The following RNF220 variants were observed in gnomAD, a reference collection of about 807,000 sequenced individuals.
The protein encoded by RNF220 is ring finger protein 220.
In RNF220, 7 loss-of-function variants were observed where a neutral mutation model predicts 67.1. That is an observed-to-expected ratio of 0.10 (90% CI 0.06 to 0.20). RNF220 has a LOEUF of 0.20. Ranked by LOEUF, RNF220 falls within the 10% of genes least tolerant of loss-of-function variation. RNF220 has a pLI of 1.00. For missense variants in RNF220, 565 were observed against 740.3 expected (o/e 0.76, Z 2.75); for synonymous variants, 270 against 283.2 (o/e 0.95, Z 0.47).
At chr1:44,475,565 T>G (rs1297757176) in intron 2 of RNF220, among the ~76,000 whole-genome samples, 1 of 113,756 alleles carries the variant, frequency 8.8e-6, no homozygotes, top group African/African-American at 4.1e-5. Flanking sequence ...TGAGACTCGG[T>G]CTCAAAAAAA....
intron 1 of RNF220, among the ~76,000 whole-genome samples, chr1:44,406,783 A>G (rs1647380180): frequency 6.6e-6 from 1 of 152,188 alleles, no homozygotes; most frequent in Admixed American, 6.5e-5. Context: ...GGGCACAACA[A>G]ACTTGGGCGG....
intron 6 of RNF220, among the ~76,000 whole-genome samples, chr1:44,633,346 T>C (rs573961037): frequency 6.6e-6 from 1 of 152,340 alleles, no homozygotes; most frequent in Admixed American, 6.5e-5. Flanking sequence ...CATGATTCAA[T>C]TGAAGTTTGT....
rs1644631348 is a variant in RNF220 at position 44,645,901 on chromosome 1, T to C, written c.1445+413T>C. On this transcript the variant is annotated intron_variant, in intron 12 of 14. Coordinates refer to ENST00000361799, the MANE Select transcript of RNF220 (RefSeq NM_018150.4). This position sits in a 1 kb window ranked among gnomAD's most constrained non-coding sequence, Gnocchi z 5.0. ...TCGCAGTGGATTTTAGGCAGGAACA[T>C]TGGGTATCATCACTTCTGGTAGGAA... Among the ~76,000 whole-genome samples the C allele has an allele frequency of 1.3e-5, 2 of 152,228 alleles. No homozygotes were observed. Among genetic ancestry groups the C allele is most frequent in the South Asian group, 4.1e-4 (2 of 4,838 alleles).
At chr1:44,634,575 A>T (rs1273601334) in intron 6 of RNF220, among the ~76,000 whole-genome samples, 1 of 151,248 alleles carries the variant, frequency 6.6e-6, no homozygotes, top group African/African-American at 2.4e-5. Context: ...GGCTCTCCCC[A>T]CTCCCCATCA....
chr1:44,528,578 G>A (rs1265159443), intron 2 of RNF220, among the ~76,000 whole-genome samples: 1 of 150,834 alleles, frequency 6.6e-6, no homozygotes. Flanking sequence ...GGGATTACAG[G>A]CGTAAGCCAC....
At chr1:44,584,794 G>A (rs1366891516) in intron 2 of RNF220, among the ~76,000 whole-genome samples, 1 of 152,188 alleles carries the variant, frequency 6.6e-6, no homozygotes, top group Non-Finnish European at 1.5e-5. Context: ...TGCCTCCCAG[G>A]TTCAAGTGAT....
chr1:44,452,434 A>G (rs1001685016), intron 2 of RNF220, among the ~76,000 whole-genome samples: 5 of 152,028 alleles, frequency 3.3e-5, no homozygotes, highest in Non-Finnish European at 7.4e-5. Context: ...GGCGCCTGTA[A>G]TCTCAGCTAC....
At chr1:44,611,240 C>T (rs969221871) in intron 2 of RNF220, among the ~76,000 whole-genome samples, 2 of 152,222 alleles carry the variant, frequency 1.3e-5, no homozygotes, top group African/African-American at 4.8e-5. Context: ...ATTCCTGAAG[C>T]TTGGAGGCAG....
intron 2 of RNF220, among the ~76,000 whole-genome samples, chr1:44,496,171 A>G (rs12085000): frequency 0.011 from 1,606 of 152,324 alleles, 28 homozygotes; most frequent in African/African-American, 0.036. Flanking sequence ...CAGGGGGACC[A>G]TCCTCCAAGG....
chr1:44,601,183 A>G (rs1358764483), intron 2 of RNF220, among the ~76,000 whole-genome samples: 1 of 152,206 alleles, frequency 6.6e-6, no homozygotes, highest in African/African-American at 2.4e-5. Context: ...TGGAGTATCT[A>G]TTGTGGATGA....
chr1:44,552,457 C>G lies in RNF220; in HGVS notation c.626-61708C>G, dbSNP rs578148229. Among the ~76,000 whole-genome samples the G allele has an allele frequency of 1.1e-4, 16 of 151,826 alleles. No individual in the cohort carries two copies. The East Asian group carries it at 3.1e-3, about 30-fold the overall frequency. ...TCTGCAGTGAGCCATGATTGTGCCACTGCGCTCCAGCCTGGGCAACAGAGC... is the reference window on the plus strand; with the variant it reads ...TCTGCAGTGAGCCATGATTGTGCCAGTGCGCTCCAGCCTGGGCAACAGAGC... On this transcript the variant is annotated intron_variant, in intron 2 of 14. Coordinates refer to ENST00000361799, the MANE Select transcript of RNF220 (RefSeq NM_018150.4).
chr1:44,650,337 G>A lies in RNF220; in HGVS notation c.1630-367G>A, dbSNP rs1047989668. ...CCTTCTGCTCCTGCCCCTGTTCTTC[G>A]CTCAGGAGCAGCCATTAAAATGTCG... On this transcript the variant is annotated intron_variant, in intron 14 of 14. Coordinates refer to ENST00000361799, the MANE Select transcript of RNF220 (RefSeq NM_018150.4). This position sits in a 1 kb window ranked among gnomAD's most constrained non-coding sequence, Gnocchi z 4.3. 9.7e-5 allele frequency: 46 copies of A among 471,918 alleles called. No homozygotes were observed. The highest frequency in any genetic ancestry group is 1.3e-4 in the Non-Finnish European group (34 of 258,930). The allele number at this position is 471,918 out of a possible 1,614,324, so 29.2% of individuals were successfully genotyped here.
chr1:44,638,878 A>G (rs1469840158), intron 8 of RNF220, among the ~76,000 whole-genome samples: 1 of 152,246 alleles, frequency 6.6e-6, no homozygotes, highest in East Asian at 1.9e-4. Flanking sequence ...TATTACTTCA[A>G]GAAAGTAAGT....
chr1:44,552,779 C>T (rs1662764109), intron 2 of RNF220, among the ~76,000 whole-genome samples: 1 of 151,888 alleles, frequency 6.6e-6, no homozygotes, highest in Admixed American at 6.6e-5. Flanking sequence ...CCTTGTTAGC[C>T]AGGATGGCCT....
At chr1:44,581,883 T>G (rs1417709363) in intron 2 of RNF220, among the ~76,000 whole-genome samples, 4 of 152,232 alleles carry the variant, frequency 2.6e-5, no homozygotes, top group Non-Finnish European at 5.9e-5. Context: ...GTGAAGCAGC[T>G]GTGCCCACTA....
At chr1:44,585,347 CA>C (rs1323047691) in intron 2 of RNF220, among the ~76,000 whole-genome samples, 2 of 152,146 alleles carry the variant, frequency 1.3e-5, no homozygotes, top group Non-Finnish European at 1.5e-5. Context: ...TTTCATACAC[CA>C]AAAAGAAAAT....
intron 2 of RNF220, among the ~76,000 whole-genome samples, chr1:44,599,104 A>T (rs1202713978): frequency 2.6e-5 from 4 of 152,112 alleles, no homozygotes; most frequent in Admixed American, 2.6e-4. Context: ...TGAATCAGAG[A>T]ATCTCTCTGC....
chr1:44,625,428 T>G lies in RNF220; in HGVS notation c.805-869T>G, dbSNP rs538781824. 2.0e-5 allele frequency among the ~76,000 whole-genome samples: 3 copies of G among 152,266 alleles called. No individual in the cohort carries two copies. In the South Asian group the frequency reaches 6.2e-4, roughly 32 times the overall value. On this transcript the variant is annotated intron_variant, in intron 4 of 14. Transcript: ENST00000361799. ...TCACATCCTAAGGCTCAGCCGGAGATGAAGGATAAATGGCTGCTCCATCTT... is the reference window on the plus strand; with the variant it reads ...TCACATCCTAAGGCTCAGCCGGAGAGGAAGGATAAATGGCTGCTCCATCTT...
chr1:44,426,737 AAAAAG>A (rs1649818621), intron 2 of RNF220, among the ~76,000 whole-genome samples: 1 of 151,884 alleles, frequency 6.6e-6, no homozygotes, highest in African/African-American at 2.4e-5. Context: ...AAAAAAAAAA[AAAAAG>A]AAAGAAAGAA....
Sources: allele counts gnomAD v4.1 joint callset (sites outside exome capture counted in the v4.1 genomes callset), GRCh38; gene constraint gnomAD v4.1.1; non-coding constraint Gnocchi (gnomAD v3.1); transcripts MANE v1.5; gene names NCBI Gene and HGNC (gene_info 2026-07-23, HGNC 2026-07-21).